Variants in FAM114A2 observed in about 807,000 individuals in gnomAD.
FAM114A2 encodes family with sequence similarity 114 member A2.
Under a neutral mutation model 58.4 loss-of-function variants are expected in FAM114A2, and 53 were observed. That is an observed-to-expected ratio of 0.91 (90% CI 0.73 to 1.14). The LOEUF (loss-of-function observed/expected upper bound fraction) is 1.14, where lower values mean the gene tolerates loss of function less well. FAM114A2 is among the 50% of genes most tolerant of loss of function. The pLI, the probability that FAM114A2 is intolerant of heterozygous loss-of-function variation, is 0.00. For missense variants in FAM114A2, 601 were observed against 581.1 expected, an observed-to-expected ratio of 1.03 and a Z score of -0.35; for synonymous variants, 228 against 211.4, an observed-to-expected ratio of 1.08 and a Z score of -0.68.
intron 8 of FAM114A2, among the ~76,000 whole-genome samples, chr5:154,025,198 G>C (rs569451387): frequency 2.6e-5 from 4 of 152,096 alleles, no homozygotes; most frequent in African/African-American, 9.6e-5. Flanking sequence ...GCATCACACA[G>C]AATATTTGTA....
chr5:154,028,133 T>A lies in FAM114A2; in HGVS notation c.630+16A>T. 1 of 1,596,616 alleles carries A rather than the reference T, an allele frequency of 6.3e-7. No homozygotes were observed. Among genetic ancestry groups the A allele is most frequent in the Non-Finnish European group, 8.5e-7 (1 of 1,171,428 alleles). On this transcript the variant is annotated intron_variant, in intron 6 of 13. Coordinates refer to ENST00000351797, the MANE Select transcript of FAM114A2 (RefSeq NM_018691.4). ...AAAACAGAAACAGGAAGTAAACAGGTAAGGATAATCAGTACCTGAGATAGT... is the reference window on the plus strand; with the variant it reads ...AAAACAGAAACAGGAAGTAAACAGGAAAGGATAATCAGTACCTGAGATAGT...
At chr5:154,003,179 AT>A (rs1169742842) in intron 9 of FAM114A2, among the ~76,000 whole-genome samples, 288 of 144,806 alleles carry the variant, frequency 2.0e-3, no homozygotes, top group South Asian at 3.6e-3. Flanking sequence ...AATTGGTAGT[AT>A]TTTTTTTTTT....
At chr5:153,998,913 A>G (rs529102794) in intron 11 of FAM114A2, among the ~76,000 whole-genome samples, 9 of 152,340 alleles carry the variant, frequency 5.9e-5, no homozygotes, top group African/African-American at 1.9e-4. Flanking sequence ...GTGAAAAGGT[A>G]AAAGATCTTC....
At position 154,002,951 on chromosome 5, in the gene FAM114A2, C is replaced by T. The variant is rs370026012; in HGVS notation, c.1012G>A (p.Glu338Lys). ...TTGGTCAGAGACTTCCTGATCCATT[C>T]GTGGGCGGTATTTCTTGCCTAAATA... ...KLARARNTAH[E>K]WIRKSLTKPL... is the part of the protein sequence containing the mutation. Residue 338 changes from glutamate to lysine, a missense_variant, in exon 10 of 14, where the codon GAA becomes AAA. By Grantham distance (56) the Glu-to-Lys change is moderately conservative. Coordinates refer to ENST00000351797, the MANE Select transcript of FAM114A2 (RefSeq NM_018691.4). 2.8e-5 allele frequency: 45 copies of T among 1,613,658 alleles called. 1 individual carries two copies. The highest frequency in any genetic ancestry group is 2.1e-4 in the South Asian group (19 of 90,986).
At chr5:154,031,736 A>C (rs1281528696) in intron 4 of FAM114A2, among the ~76,000 whole-genome samples, 3 of 152,234 alleles carry the variant, frequency 2.0e-5, no homozygotes, top group Non-Finnish European at 4.4e-5. Context: ...TCAGAAAAAG[A>C]CCAGGATATT....
At chr5:154,026,369 C>A in intron 8 of FAM114A2, 30 bp downstream of exon 8, 1 of 1,512,010 alleles carries the variant, frequency 6.6e-7, no homozygotes, top group South Asian at 1.3e-5. Flanking sequence ...ACTGCATCCT[C>A]TCCACTCAGA....
intron 9 of FAM114A2, among the ~76,000 whole-genome samples, chr5:154,009,547 G>A (rs1426286821): frequency 6.6e-6 from 1 of 152,082 alleles, no homozygotes; most frequent in African/African-American, 2.4e-5. Flanking sequence ...ATATTTGTAT[G>A]GTCTTACAGT....
chr5:154,017,460 A>G (rs1413304589), intron 8 of FAM114A2, among the ~76,000 whole-genome samples: 1 of 151,170 alleles, frequency 6.6e-6, no homozygotes, highest in African/African-American at 2.4e-5. Flanking sequence ...ATAAATAAAT[A>G]AAATAAAAAT....
At position 154,021,459 on chromosome 5, in the gene FAM114A2, C is replaced by T. The variant is rs963053475; in HGVS notation, c.913+4940G>A. Among the ~76,000 whole-genome samples, 6 of 152,178 alleles carry T rather than the reference C, an allele frequency of 3.9e-5. No individual in the cohort carries two copies. The South Asian group carries it at 8.3e-4, about 21-fold the overall frequency. ...GCAACCTCAGCAAAGTCTCAGGACA[C>T]AAAATCGATGTTGAAAAATCACAAG... On this transcript the variant is annotated intron_variant, in intron 8 of 13. Transcript: ENST00000351797.
At chr5:154,018,385 CA>C (rs1011355487) in intron 8 of FAM114A2, among the ~76,000 whole-genome samples, 15 of 151,908 alleles carry the variant, frequency 9.9e-5, no homozygotes, top group African/African-American at 3.6e-4. Context: ...CTGAACAAAC[CA>C]ATAACAAGCA....
intron 13 of FAM114A2, 60 bp downstream of exon 13, chr5:153,994,859 T>C (rs1440153458): frequency 6.5e-5 from 72 of 1,115,698 alleles, no homozygotes; most frequent in Non-Finnish European, 9.4e-5. Flanking sequence ...GCAAAAGGCT[T>C]CAGAAGAGTT....
intron 8 of FAM114A2, among the ~76,000 whole-genome samples, chr5:154,023,864 T>G (rs4451096): frequency 0.43 from 65,043 of 151,952 alleles, 14,626 homozygotes; most frequent in East Asian, 0.69. Context: ...ATATTTCTTC[T>G]CCTTAACTGA....
In FAM114A2 at chr5:154,027,158, A is replaced by AT; in HGVS notation, c.789+17dup. 1 of 1,592,022 alleles carries AT rather than the reference A, an allele frequency of 6.3e-7. No individual in the cohort carries two copies. The highest frequency in any genetic ancestry group is 1.1e-5 in the South Asian group (1 of 87,332). On this transcript the variant is annotated intron_variant, in intron 7 of 13. Transcript: ENST00000351797. ...TACTTGAAGACTTTTTCCAGTTGAG[A>AT]TTTTGGCTTGGAATTACCTTTATTT...
rs201004328 is a variant in FAM114A2 at position 154,033,799 on chromosome 5, T to C, written c.395A>G (p.Tyr132Cys). 5.7e-6 allele frequency: 9 copies of C among 1,579,936 alleles called. No individual in the cohort carries two copies. The East Asian group carries it at 2.0e-4, about 35-fold the overall frequency. The change falls in exon 4 of 14, where the codon TAT (tyrosine) becomes TGT (cysteine). Residue 132 changes from tyrosine to cysteine, a missense_variant. Coordinates refer to ENST00000351797, the MANE Select transcript of FAM114A2 (RefSeq NM_018691.4). ...GPSEISTEVK[Y>C]VAGETNAKEN... ...TGTTTCCATATACTGACCTGCTACA[T>C]ACTTGACTTCAGTTGAAATTTCACT...
chr5:154,014,962 G>A (rs908482571), intron 8 of FAM114A2, among the ~76,000 whole-genome samples: 3 of 152,316 alleles, frequency 2.0e-5, no homozygotes, highest in Admixed American at 2.0e-4. Context: ...TGGTTGGGGA[G>A]CAGGCACAGT....
intron 7 of FAM114A2, 114 bp from the exon 8 acceptor site, chr5:154,026,636 A>G: frequency 3.3e-6 from 2 of 603,270 alleles, no homozygotes; most frequent in Admixed American, 4.3e-5. Context: ...TGAGCTCATC[A>G]GCCAGCACAA....
rs773011900 is a variant in FAM114A2 at position 154,028,294 on chromosome 5, C to T, written c.496-11G>A. On this transcript the variant is annotated splice_polypyrimidine_tract_variant and intron_variant, in intron 5 of 13. Coordinates refer to ENST00000351797, the MANE Select transcript of FAM114A2 (RefSeq NM_018691.4). ...TATAACACTCTTTCCCTAGAAAATA[C>T]ATGCAACCTCATTACAACAATATTA... 1.3e-6 allele frequency: 2 copies of T among 1,549,372 alleles called. No homozygotes were observed. Among genetic ancestry groups the T allele is most frequent in the Non-Finnish European group, 1.8e-6 (2 of 1,131,216 alleles).
chr5:154,026,269 G>T, intron 8 of FAM114A2, 130 bp downstream of exon 8: 1 of 617,360 alleles, frequency 1.6e-6, no homozygotes, highest in Non-Finnish European at 2.4e-6. Context: ...CAGAGAATTT[G>T]CATAAAAATT....
At chr5:154,002,825 A>C in intron 10 of FAM114A2, 22 bp downstream of exon 10, 2 of 1,613,432 alleles carry the variant, frequency 1.2e-6, no homozygotes, top group Non-Finnish European at 1.7e-6. Flanking sequence ...ACAAACAAAA[A>C]AGGCTTAGTT....
Sources: allele counts gnomAD v4.1 joint callset (sites outside exome capture counted in the v4.1 genomes callset), GRCh38; gene constraint gnomAD v4.1.1; transcripts MANE v1.5; gene names NCBI Gene and HGNC (gene_info 2026-07-23, HGNC 2026-07-21).